Variants in ZNG1B observed in about 807,000 individuals in gnomAD.
ZNG1B encodes the protein Zn regulated GTPase metalloprotein activator 1B, also known as zinc-regulated GTPase metalloprotein activator 1B.
the ZNG1B span, chr2:113,470,961 G>A: frequency 1.3e-6 from 2 of 1,584,060 alleles, no homozygotes; most frequent in Non-Finnish European, 1.7e-6. Context: ...AAGAGTCAGA[G>A]TTTTTTTTCT....
chr2:113,487,271 T>C, the ZNG1B span, among the ~76,000 whole-genome samples: 1 of 151,910 alleles, frequency 6.6e-6, no homozygotes, highest in African/African-American at 2.4e-5. Flanking sequence ...GTGTAGTAGG[T>C]TATACCATCT....
chr2:113,488,319 G>C, the ZNG1B span, among the ~76,000 whole-genome samples: 127 of 152,234 alleles, frequency 8.3e-4, 1 homozygote, highest in African/African-American at 2.8e-3. Flanking sequence ...AAAAGGGAGA[G>C]AGTACTACAT....
chr2:113,439,916 G>T, the ZNG1B span, among the ~76,000 whole-genome samples: 2 of 108,862 alleles, frequency 1.8e-5, no homozygotes, highest in Non-Finnish European at 3.3e-5. Flanking sequence ...ACGGAGTCTC[G>T]CTCTGTCGCC....
chr2:113,477,224 G>A, the ZNG1B span, among the ~76,000 whole-genome samples: 66 of 152,316 alleles, frequency 4.3e-4, no homozygotes, highest in Non-Finnish European at 7.6e-4. Flanking sequence ...CTCGTGGTGC[G>A]CCTTTTTTTA....
At chr2:113,474,147 T>C in the ZNG1B span, among the ~76,000 whole-genome samples, 1 of 152,092 alleles carries the variant, frequency 6.6e-6, no homozygotes, top group Non-Finnish European at 1.5e-5. Flanking sequence ...AGCTATTGAT[T>C]ATTGCCACAA....
chr2:113,472,669 G>A, the ZNG1B span, among the ~76,000 whole-genome samples: 1 of 151,990 alleles, frequency 6.6e-6, no homozygotes, highest in Non-Finnish European at 1.5e-5. Flanking sequence ...TGTATAAGGT[G>A]TAAGGAAGGG....
At chr2:113,444,550 C>A in the ZNG1B span, among the ~76,000 whole-genome samples, 5 of 151,838 alleles carry the variant, frequency 3.3e-5, no homozygotes, top group East Asian at 3.9e-4. Context: ...GAAATTAAAA[C>A]CTTGCATCCT....
At chr2:113,460,864 T>C in the ZNG1B span, 9 of 1,273,534 alleles carry the variant, frequency 7.1e-6, no homozygotes, top group African/African-American at 1.5e-5. Flanking sequence ...GAATTATTGC[T>C]ATCTATTTAT....
At chr2:113,488,562 A>G in the ZNG1B span, among the ~76,000 whole-genome samples, 1 of 151,928 alleles carries the variant, frequency 6.6e-6, no homozygotes, top group Non-Finnish European at 1.5e-5. Context: ...TTGGTTATTA[A>G]GCTAAGGCAC....
chr2:113,452,974 A>G, the ZNG1B span, among the ~76,000 whole-genome samples: 2 of 152,190 alleles, frequency 1.3e-5, no homozygotes, highest in African/African-American at 2.4e-5. Context: ...CTATCACTGT[A>G]ACTCCCTTTT....
At chr2:113,480,963 AG>A in the ZNG1B span, among the ~76,000 whole-genome samples, 2 of 148,398 alleles carry the variant, frequency 1.3e-5, no homozygotes, top group East Asian at 4.0e-4. Context: ...CATGAGTTTC[AG>A]GTTTTGATAG....
chr2:113,485,397 A>C, the ZNG1B span, among the ~76,000 whole-genome samples: 36 of 141,758 alleles, frequency 2.5e-4, no homozygotes, highest in Middle Eastern at 6.8e-3. Flanking sequence ...TGGACTTTAG[A>C]GTCAGGAGAC....
chr2:113,479,017 A>G, the ZNG1B span, among the ~76,000 whole-genome samples: 4 of 152,108 alleles, frequency 2.6e-5, no homozygotes, highest in Non-Finnish European at 5.9e-5. Context: ...GACTAAACAA[A>G]TTACGGTTAA....
At chr2:113,486,717 C>T in the ZNG1B span, among the ~76,000 whole-genome samples, 17 of 152,184 alleles carry the variant, frequency 1.1e-4, no homozygotes, top group African/African-American at 3.9e-4. Context: ...GATTGTGCCA[C>T]TCTACTCCAG....
the ZNG1B span, chr2:113,439,247 T>G: frequency 6.8e-7 from 1 of 1,478,956 alleles, no homozygotes; most frequent in Non-Finnish European, 9.1e-7. Context: ...TGAAACACTG[T>G]TCTTTTGGCT....
the ZNG1B span, among the ~76,000 whole-genome samples, chr2:113,448,687 G>T: frequency 2.0e-5 from 3 of 152,112 alleles, no homozygotes; most frequent in Non-Finnish European, 2.9e-5. Flanking sequence ...GGCAGATAAC[G>T]AGTTCAGGAG....
chr2:113,475,688 G>T, the ZNG1B span, among the ~76,000 whole-genome samples: 1 of 151,946 alleles, frequency 6.6e-6, no homozygotes, highest in Non-Finnish European at 1.5e-5. Flanking sequence ...AGGCCTGGTG[G>T]TGACAAAATC....
chr2:113,490,832 TA>T, the ZNG1B span, among the ~76,000 whole-genome samples: 1 of 139,438 alleles, frequency 7.2e-6, no homozygotes, highest in Non-Finnish European at 1.5e-5. Context: ...AAATGGTAAT[TA>T]AAAAATTACC....
chr2:113,458,132 A>G, the ZNG1B span, among the ~76,000 whole-genome samples: 1 of 151,630 alleles, frequency 6.6e-6, no homozygotes, highest in African/African-American at 2.4e-5. Context: ...ATTTACTTAT[A>G]CAGGTGGAAT....
Sources: allele counts gnomAD v4.1 joint callset (sites outside exome capture counted in the v4.1 genomes callset), GRCh38; gene constraint gnomAD v4.1.1; transcripts MANE v1.5; gene names NCBI Gene and HGNC (gene_info 2026-07-23, HGNC 2026-07-21).